Variants in KCNAB2 observed in about 807,000 individuals in gnomAD.
KCNAB2 encodes the protein potassium voltage-gated channel subfamily A regulatory beta subunit 2.
In KCNAB2, 29 loss-of-function variants were observed where a neutral mutation model predicts 63.6. The ratio of observed to expected loss-of-function variants is 0.46; its 90% confidence interval spans 0.34 to 0.62. The LOEUF is 0.62. Among genes scored for constraint, KCNAB2 ranks in the 20% least tolerant of loss-of-function variants. The pLI is 0.01. For missense variants in KCNAB2, 359 were observed against 563.9 expected (o/e 0.64, Z 3.68); for synonymous variants, 222 against 224.2 (o/e 0.99, Z 0.09).
chr1:6,040,796 C>G (rs1660439032), intron 2 of KCNAB2: 1 of 592,616 alleles, frequency 1.7e-6, no homozygotes. Flanking sequence ...GAGGTGCACG[C>G]TGGTGAGCGT....
At chr1:6,013,406 C>G (rs551310) in intron 1 of KCNAB2, among the ~76,000 whole-genome samples, 62,495 of 151,918 alleles carry the variant, frequency 0.41, 13,391 homozygotes, top group East Asian at 0.6. Context: ...AACAGCATCC[C>G]AGGTAGAGGG....
chr1:6,031,823 G>A (rs1012306633), upstream of KCNAB2, among the ~76,000 whole-genome samples: 1 of 152,070 alleles, frequency 6.6e-6, no homozygotes, highest in Non-Finnish European at 1.5e-5. The surrounding 1 kb of genome is among the most constrained non-coding windows in gnomAD (Gnocchi z 4.1). Context: ...CCATAGGTCA[G>A]GGCTGCAGTG....
intron 10 of KCNAB2, among the ~76,000 whole-genome samples, chr1:6,092,624 G>C (rs944198439): frequency 3.3e-5 from 5 of 152,234 alleles, no homozygotes; most frequent in Non-Finnish European, 7.3e-5. Context: ...CCAGGAGCCC[G>C]GACCTGGGCA....
At chr1:6,017,706 G>C (rs541644892) in intron 1 of KCNAB2, among the ~76,000 whole-genome samples, 2 of 152,088 alleles carry the variant, frequency 1.3e-5, no homozygotes, top group Admixed American at 6.5e-5. Context: ...CAGGAGAATT[G>C]CTTGAACCTG....
At chr1:6,081,661 C>T (rs1370665902) in intron 4 of KCNAB2, among the ~76,000 whole-genome samples, 5 of 152,102 alleles carry the variant, frequency 3.3e-5, no homozygotes, top group African/African-American at 1.2e-4. Context: ...GCCAACAGTC[C>T]TTGGCTTGTA....
At chr1:6,075,607 G>A (rs556459621) in intron 4 of KCNAB2, among the ~76,000 whole-genome samples, 1 of 152,328 alleles carries the variant, frequency 6.6e-6, no homozygotes, top group South Asian at 2.1e-4. Flanking sequence ...AGAAGGGGGG[G>A]CCCGCCTGGC....
At chr1:6,001,067 T>C (rs969409983) in intron 1 of KCNAB2, among the ~76,000 whole-genome samples, 33 of 151,952 alleles carry the variant, frequency 2.2e-4, no homozygotes, top group African/African-American at 8.0e-4. Flanking sequence ...CAGCATGGGG[T>C]GTCAGGGCAC....
chr1:6,095,264 C>G, intron 11 of KCNAB2, 59 bp from the exon 12 acceptor site: 5 of 1,534,798 alleles, frequency 3.3e-6, no homozygotes, highest in Non-Finnish European at 4.4e-6. Flanking sequence ...ATGGCTGCCC[C>G]GGCAGCCTCC....
rs143565735 is a variant in KCNAB2, at chr1:6,037,074, C to G, written c.-53+2280C>G. Among the ~76,000 whole-genome samples, 18 of 152,230 alleles carry G rather than the reference C, an allele frequency of 1.2e-4. No homozygotes were observed. In the East Asian group the frequency reaches 3.5e-3, roughly 29 times the overall value. ...GCTCTGGCCTGCTTAGACTCCTGGC[C>G]CTCAACCTCGCCTCTAGGCCAGGGG... is the stretch of plus-strand genomic sequence containing the variant. On this transcript the variant is annotated intron_variant, in intron 1 of 15. Coordinates refer to the KCNAB2 transcript ENST00000164247.
chr1:6,002,560 C>G (rs943395490), intron 1 of KCNAB2, among the ~76,000 whole-genome samples: 1 of 152,238 alleles, frequency 6.6e-6, no homozygotes, highest in Non-Finnish European at 1.5e-5. Context: ...TACGTGATGC[C>G]CACACCACCG....
upstream of KCNAB2, among the ~76,000 whole-genome samples, chr1:6,033,228 T>C (rs190550090): frequency 3.5e-4 from 53 of 151,766 alleles, no homozygotes; most frequent in East Asian, 8.0e-3. Context: ...TGTGTGCGCA[T>C]GTGTGCATGT....
intron 13 of KCNAB2, chr1:6,095,983 T>C (rs1353257019): frequency 2.4e-6 from 1 of 423,182 alleles, no homozygotes; most frequent in Non-Finnish European, 4.7e-6. Flanking sequence ...GGCTCCGAGA[T>C]GGGGGCTGCA....
chr1:6,084,604 TGAG>T (rs536655028), intron 5 of KCNAB2, among the ~76,000 whole-genome samples: 91 of 152,236 alleles, frequency 6.0e-4, no homozygotes, highest in African/African-American at 2.1e-3. Flanking sequence ...TCACTCGAGA[TGAG>T]GAGTTCGAGA....
At chr1:6,012,887 T>C (rs1398087274) in intron 1 of KCNAB2, among the ~76,000 whole-genome samples, 1 of 152,044 alleles carries the variant, frequency 6.6e-6, no homozygotes, top group Non-Finnish European at 1.5e-5. Flanking sequence ...GCCCATGAGA[T>C]GCCTGGCTCT....
chr1:6,067,383 T>C (rs1184894929), intron 2 of KCNAB2, among the ~76,000 whole-genome samples: 2 of 152,220 alleles, frequency 1.3e-5, no homozygotes, highest in Non-Finnish European at 2.9e-5. Context: ...CATTTGGGAA[T>C]CTTCTGGGTT....
rs950107928 is a variant in KCNAB2 at position 5,998,208 on chromosome 1, T to C, written c.-53+5420T>C. On this transcript the variant is annotated intron_variant, in intron 1 of 16. Coordinates refer to the KCNAB2 transcript ENST00000341524. ...AGGCTAGGGCATGAATATGGGTGAA[T>C]AGGATAACTAGGGGAGGGCATCAGG... 3.9e-5 allele frequency among the ~76,000 whole-genome samples: 6 copies of C among 152,180 alleles called. No homozygotes were observed. The East Asian group carries it at 1.2e-3, about 30-fold the overall frequency.
intron 1 of KCNAB2, among the ~76,000 whole-genome samples, chr1:5,996,262 G>A (rs1037620511): frequency 1.5e-4 from 23 of 152,196 alleles, no homozygotes; most frequent in Admixed American, 1.4e-3. Flanking sequence ...TGGCAGATGC[G>A]TGAGACTCCC....
At chr1:6,036,110 G>A (rs1660017444) in intron 1 of KCNAB2, 1 of 152,266 alleles carries the variant, frequency 6.6e-6, no homozygotes, top group Admixed American at 6.5e-5. Flanking sequence ...TTATAAGCCG[G>A]AAGAAGAAGA....
intron 2 of KCNAB2, among the ~76,000 whole-genome samples, chr1:6,053,061 T>C (rs1661524875): frequency 6.6e-6 from 1 of 152,052 alleles, no homozygotes; most frequent in Non-Finnish European, 1.5e-5. Context: ...TTTGAATATG[T>C]GGTTGTAATT....
Sources: allele counts gnomAD v4.1 joint callset (sites outside exome capture counted in the v4.1 genomes callset), GRCh38; gene constraint gnomAD v4.1.1; non-coding constraint Gnocchi (gnomAD v3.1); transcripts MANE v1.5; gene names NCBI Gene and HGNC (gene_info 2026-07-23, HGNC 2026-07-21).